Variants in WDR48 observed in about 807,000 individuals in gnomAD.
The protein encoded by WDR48 is WD repeat-containing protein 48.
WDR48 carries 22 observed loss-of-function variants against 94.0 expected under a neutral mutation model. The ratio of observed to expected loss-of-function variants is 0.23; its 90% confidence interval spans 0.17 to 0.33. The LOEUF is 0.33. Ranked by LOEUF, WDR48 falls within the 10% of genes least tolerant of loss-of-function variation. The probability of loss-of-function intolerance (pLI) is 1.00; values close to 1 mark genes in which losing one functional copy is unlikely to be tolerated. For missense variants in WDR48, 541 were observed against 813.8 expected, an observed-to-expected ratio of 0.66 and a Z score of 4.08; for synonymous variants, 278 against 280.5, an observed-to-expected ratio of 0.99 and a Z score of 0.09.
chr3:39,053,134 G>A (rs755900060), intron 1 of WDR48, among the ~76,000 whole-genome samples: 2 of 152,212 alleles, frequency 1.3e-5, no homozygotes, highest in African/African-American at 4.8e-5. Context: ...TGGCAGTTTG[G>A]TGCATTTATT....
intron 7 of WDR48, 25 bp from the exon 8 acceptor site, chr3:39,074,683 GAACTTTGTGGCAAGTTCT>G: frequency 6.2e-7 from 1 of 1,604,012 alleles, no homozygotes; most frequent in East Asian, 2.2e-5. Flanking sequence ...AAGAAAGCAG[GAACTTTGTGGCAAGTTCT>G]AACTTTGCCT....
At chr3:39,078,055 C>A in intron 9 of WDR48, 82 bp from the exon 10 acceptor site, 1 of 1,051,868 alleles carries the variant, frequency 9.5e-7, no homozygotes. Flanking sequence ...TGTTTTTTGA[C>A]TTTATTTTTC....
At chr3:39,079,296 A>T (rs2034400397) in intron 10 of WDR48, among the ~76,000 whole-genome samples, 1 of 152,222 alleles carries the variant, frequency 6.6e-6, no homozygotes, top group African/African-American at 2.4e-5. Context: ...TCATTTGTTC[A>T]TGCTGTTAAA....
At chr3:39,061,669 C>A (rs750562478) in intron 1 of WDR48, among the ~76,000 whole-genome samples, 1 of 152,126 alleles carries the variant, frequency 6.6e-6, no homozygotes, top group Non-Finnish European at 1.5e-5. Context: ...CTTGAGGAAT[C>A]GCCACACTGT....
intron 10 of WDR48, 103 bp downstream of exon 10, chr3:39,078,342 T>G: frequency 2.5e-6 from 2 of 804,376 alleles, no homozygotes; most frequent in East Asian, 5.1e-5. Flanking sequence ...ATAATCCTGA[T>G]GTAAACAAAA....
Position 39,066,895 on chromosome 3 carries a change from C to T in WDR48, c.481+20C>T. The T allele has an allele frequency of 6.2e-7, 1 of 1,605,612 alleles. No homozygotes were observed. Among genetic ancestry groups the T allele is most frequent in the Non-Finnish European group, 8.5e-7 (1 of 1,176,830 alleles). Reference sequence around the variant, plus strand: ...TCACAAGTAAGGTGTTTAAAAGAAACTTCTTTGAAAGTGATCCAAGTTAAC... The same window carrying T: ...TCACAAGTAAGGTGTTTAAAAGAAATTTCTTTGAAAGTGATCCAAGTTAAC... On this transcript the variant is annotated intron_variant, in intron 5 of 18. Coordinates refer to ENST00000302313, the MANE Select transcript of WDR48 (RefSeq NM_020839.4).
chr3:39,069,580 G>A, intron 6 of WDR48, 63 bp from the exon 7 acceptor site: 2 of 1,360,268 alleles, frequency 1.5e-6, no homozygotes, highest in Non-Finnish European at 2.1e-6. Flanking sequence ...TATGAGAGTT[G>A]TCTGTTATTT....
At chr3:39,068,504 G>A (rs1193015209) in intron 5 of WDR48, among the ~76,000 whole-genome samples, 1 of 152,110 alleles carries the variant, frequency 6.6e-6, no homozygotes, top group Non-Finnish European at 1.5e-5. Context: ...CACATGAATA[G>A]CTTTAAACAT....
chr3:39,065,964 A>T, intron 3 of WDR48, 75 bp downstream of exon 3: 3 of 1,099,616 alleles, frequency 2.7e-6, no homozygotes, highest in Non-Finnish European at 3.9e-6. Context: ...TTATTGAAAC[A>T]TACATACAGA....
rs1559607615 is a variant in WDR48, at chr3:39,069,694, G to A, written c.622G>A (p.Gly208Arg). ...RTCAKLMKLKGHTDNVKALLL... is the reference protein window; with the variant it reads ...RTCAKLMKLKRHTDNVKALLL... The stretch of plus-strand genomic sequence containing the variant: ...ATGTGCAAAACTAATGAAGCTTAAA[G>A]GGCACACGGATAATGTGAAGGCATT... Residue 208 changes from glycine to arginine, a missense_variant, in exon 7 of 19, where the codon GGG becomes AGG. Gly to Arg is a moderately radical substitution (Grantham distance 125, BLOSUM62 -2). Transcript: ENST00000302313. 1 of 1,613,762 alleles carries A rather than the reference G, an allele frequency of 6.2e-7. No individual in the cohort carries two copies. Among genetic ancestry groups the A allele is most frequent in the Non-Finnish European group, 8.5e-7 (1 of 1,179,724 alleles).
In WDR48 at chr3:39,078,349, A is replaced by G. The variant is rs189152139; in HGVS notation, c.1075+110A>G. The G allele has an allele frequency of 2.8e-4, 209 of 744,544 alleles. No individual in the cohort carries two copies. The African/African-American group carries it at 3.5e-3, about 12-fold the overall frequency. 46.1% of individuals were successfully genotyped at this position (744,544 alleles called of 1,614,324 possible). On this transcript the variant is annotated intron_variant, in intron 10 of 18. Coordinates refer to ENST00000302313, the MANE Select transcript of WDR48 (RefSeq NM_020839.4). ...CTTTAAATATAATCCTGATGTAAAC[A>G]AAAGATAATACATTGGTTTATTTTT...
At chr3:39,054,917 A>G (rs1462562665) in intron 1 of WDR48, among the ~76,000 whole-genome samples, 1 of 152,244 alleles carries the variant, frequency 6.6e-6, no homozygotes, top group African/African-American at 2.4e-5. Flanking sequence ...AGCAGTGATT[A>G]TCCCTTTGGG....
intron 3 of WDR48, among the ~76,000 whole-genome samples, chr3:39,066,196 T>G (rs552864569): frequency 1.7e-4 from 26 of 152,372 alleles, no homozygotes. Flanking sequence ...TATTCTTCTT[T>G]TAGCCTTATT....
At chr3:39,088,896 A>G (rs2034947136) in intron 15 of WDR48, among the ~76,000 whole-genome samples, 1 of 152,132 alleles carries the variant, frequency 6.6e-6, no homozygotes, top group African/African-American at 2.4e-5. Flanking sequence ...TCTGACTTCC[A>G]CTGTGTGTGA....
intron 7 of WDR48, among the ~76,000 whole-genome samples, chr3:39,073,258 T>G (rs191287047): frequency 1.3e-5 from 2 of 152,214 alleles, no homozygotes. Context: ...GCTTTAACTT[T>G]GCTCCTGACG....
intron 1 of WDR48, among the ~76,000 whole-genome samples, chr3:39,055,353 C>T (rs943370593): frequency 5.3e-5 from 8 of 152,104 alleles, no homozygotes; most frequent in African/African-American, 9.7e-5. Context: ...GGCATGGTGG[C>T]GCATGCCTGT....
At chr3:39,094,415 C>A in intron 18 of WDR48, 4 of 1,521,276 alleles carry the variant, frequency 2.6e-6, no homozygotes, top group Non-Finnish European at 3.5e-6. Context: ...AACGTATCCT[C>A]AGAGGAATGG....
At chr3:39,075,041 AC>A in intron 8 of WDR48, 91 bp downstream of exon 8, 1 of 1,297,728 alleles carries the variant, frequency 7.7e-7, no homozygotes, top group Non-Finnish European at 1.1e-6. Flanking sequence ...ACATGACTCA[AC>A]TGCAGGGTTC....
intron 11 of WDR48, among the ~76,000 whole-genome samples, chr3:39,080,362 G>C (rs958388190): frequency 6.6e-6 from 1 of 152,232 alleles, no homozygotes; most frequent in African/African-American, 2.4e-5. Context: ...ATGAGCATTA[G>C]TTACAACTCT....
Sources: allele counts gnomAD v4.1 joint callset (sites outside exome capture counted in the v4.1 genomes callset), GRCh38; gene constraint gnomAD v4.1.1; transcripts MANE v1.5; gene names NCBI Gene and HGNC (gene_info 2026-07-23, HGNC 2026-07-21).